Variants in DCLK1 observed in about 807,000 individuals in gnomAD.
The protein encoded by DCLK1 is doublecortin like kinase 1.
A neutral mutation model predicts 86.2 loss-of-function variants in DCLK1; 16 were observed. That is an observed-to-expected ratio of 0.19 (90% confidence interval 0.13 to 0.28). The LOEUF (loss-of-function observed/expected upper bound fraction) is 0.28. Among genes scored for constraint, DCLK1 ranks in the 10% least tolerant of loss-of-function variants. The pLI is 1.00. For missense variants in DCLK1, 590 were observed against 940.2 expected (o/e 0.63, Z 4.87); for synonymous variants, 369 against 370.5 (o/e 1.00, Z 0.05).
rs1379848674 is a variant in DCLK1 at position 35,774,576 on chromosome 13, T to C, written c.2182A>G (p.Ser728Gly). Residue 728 changes from serine (S) to glycine (G), a missense_variant, in exon 17 of 17, where the codon AGC (serine) becomes GGC (glycine). Around this residue, in one of 6 missense-constraint regions of DCLK1, gnomAD observed 146 missense variants for 190.2 expected, o/e 0.77. Transcript: ENST00000360631. ...LNSESEDYSP[S>G]SSETVRSPNS... is the part of the protein sequence containing the mutation. ...GGGGAGCGAACAGTCTCGGAGGAGC[T>C]TGGGGAGTAGTCTTCCGATTCCGAG... The C allele has an allele frequency of 1.3e-6, 2 of 1,568,100 alleles. No homozygotes were observed. Among genetic ancestry groups the C allele is most frequent in the Non-Finnish European group, 1.7e-6 (2 of 1,154,830 alleles).
chr13:35,827,866 T>A, intron 9 of DCLK1, 112 bp from the exon 10 acceptor site: 9 of 1,331,454 alleles, frequency 6.8e-6, no homozygotes, highest in Non-Finnish European at 9.3e-6. Context: ...TTTGGTAAAA[T>A]GTAATAAGCC....
chr13:35,972,427 ACAGAGAAGCTCACTACCT>A (rs1308266213), intron 3 of DCLK1, among the ~76,000 whole-genome samples: 1 of 152,070 alleles, frequency 6.6e-6, no homozygotes, highest in Non-Finnish European at 1.5e-5. Flanking sequence ...AGACATACAA[ACAGAGAAGCTCACTACCT>A]CAGAGCTACA....
At chr13:36,105,749 G>A (rs1299444646) in intron 3 of DCLK1, among the ~76,000 whole-genome samples, 1 of 152,156 alleles carries the variant, frequency 6.6e-6, no homozygotes, top group Admixed American at 6.5e-5. Flanking sequence ...AGGCTTGGAT[G>A]AAAAACCACA....
chr13:36,128,553 G>C (rs899797421), intron 1 of DCLK1, among the ~76,000 whole-genome samples: 3 of 152,146 alleles, frequency 2.0e-5, no homozygotes, highest in Non-Finnish European at 2.9e-5. Context: ...TGGTCAGCAG[G>C]CCTCTGATGT....
chr13:35,817,374 A>T (rs991338226), intron 11 of DCLK1, among the ~76,000 whole-genome samples: 1 of 151,854 alleles, frequency 6.6e-6, no homozygotes, highest in Non-Finnish European at 1.5e-5. Context: ...AGAGAGTAGA[A>T]TTTTTTTTCT....
intron 5 of DCLK1, among the ~76,000 whole-genome samples, chr13:35,857,588 C>T (rs1871137727): frequency 6.6e-6 from 1 of 152,240 alleles, no homozygotes; most frequent in East Asian, 1.9e-4. Flanking sequence ...TGACTCTCTG[C>T]CGCATCTCCT....
chr13:35,805,530 C>T (rs1212198845), intron 15 of DCLK1, 169 bp downstream of exon 15: 5 of 591,768 alleles, frequency 8.4e-6, no homozygotes, highest in Non-Finnish European at 1.4e-5. Context: ...AACTCCTGAG[C>T]TCAGGCAATC....
chr13:36,062,658 A>G (rs1883594134), intron 3 of DCLK1, among the ~76,000 whole-genome samples: 1 of 152,218 alleles, frequency 6.6e-6, no homozygotes, highest in Non-Finnish European at 1.5e-5. Flanking sequence ...ATATCCAAAT[A>G]ATCGCTATGA....
chr13:35,855,843 C>T, intron 5 of DCLK1: 2 of 1,185,564 alleles, frequency 1.7e-6, no homozygotes, highest in Non-Finnish European at 2.1e-6. Context: ...CAGTACTTTG[C>T]ACTGAATCAT....
At chr13:35,830,479 C>T (rs749070187) in intron 8 of DCLK1, among the ~76,000 whole-genome samples, 63 of 152,126 alleles carry the variant, frequency 4.1e-4, no homozygotes, top group Non-Finnish European at 7.1e-4. Flanking sequence ...CCTATAAGAC[C>T]ACAGGGTCCC....
intron 4 of DCLK1, among the ~76,000 whole-genome samples, chr13:35,893,370 A>C (rs1348975504): frequency 6.6e-6 from 1 of 152,230 alleles, no homozygotes; most frequent in Non-Finnish European, 1.5e-5. Flanking sequence ...TTCTATCCTT[A>C]AAGAACAAAG....
At chr13:35,990,852 A>G (rs562284071) in intron 3 of DCLK1, among the ~76,000 whole-genome samples, 14 of 152,270 alleles carry the variant, frequency 9.2e-5, no homozygotes, top group Non-Finnish European at 1.8e-4. Flanking sequence ...TTTGAATCTG[A>G]TAAATTCTCT....
intron 4 of DCLK1, among the ~76,000 whole-genome samples, chr13:35,904,221 CT>C (rs1268373940): frequency 6.6e-6 from 1 of 151,990 alleles, no homozygotes; most frequent in Non-Finnish European, 1.5e-5. Context: ...AATAGAAAAA[CT>C]TTTTTGTTTT....
intron 5 of DCLK1, among the ~76,000 whole-genome samples, chr13:35,868,459 A>C (rs1389643797): frequency 6.6e-6 from 1 of 152,234 alleles, no homozygotes; most frequent in African/African-American, 2.4e-5. Flanking sequence ...TATTAGATGC[A>C]TCTGCCCCAC....
intron 8 of DCLK1, among the ~76,000 whole-genome samples, chr13:35,832,461 T>C (rs1033408471): frequency 1.3e-5 from 2 of 152,136 alleles, no homozygotes; most frequent in Admixed American, 1.3e-4. Flanking sequence ...ATAGCATTCA[T>C]TGAATTTCAT....
In DCLK1 at chr13:36,127,905, A is replaced by G. The variant is rs530476525; in HGVS notation, c.-19-1749T>C. 9.2e-5 allele frequency among the ~76,000 whole-genome samples: 14 copies of G among 152,336 alleles called. No individual in the cohort carries two copies. In the South Asian group the frequency reaches 2.9e-3, roughly 32 times the overall value. Reference sequence around the variant, plus strand: ...GAAAGTGGAAAGACCAAAGCATTCAAAGGAAAGACACTTTAATGACAAAAT... The same window carrying G: ...GAAAGTGGAAAGACCAAAGCATTCAGAGGAAAGACACTTTAATGACAAAAT... On this transcript the variant is annotated intron_variant, in intron 1 of 16. Transcript: ENST00000360631.
intron 4 of DCLK1, among the ~76,000 whole-genome samples, chr13:35,931,992 A>C (rs1235121514): frequency 3.3e-5 from 5 of 152,180 alleles, no homozygotes; most frequent in Admixed American, 1.3e-4. Context: ...GGTTAATTTT[A>C]TGTGTCAAAT....
At chr13:36,004,067 A>G (rs1356734959) in intron 3 of DCLK1, among the ~76,000 whole-genome samples, 3 of 152,246 alleles carry the variant, frequency 2.0e-5, no homozygotes, top group Non-Finnish European at 4.4e-5. Context: ...AAAGTCATGG[A>G]ATTGATAACA....
Position 36,065,619 on chromosome 13 carries a change from T to C in DCLK1, c.723+46250A>G, listed in dbSNP as rs1164253553. On this transcript the variant is annotated intron_variant, in intron 3 of 16. Coordinates refer to ENST00000360631, the MANE Select transcript of DCLK1 (RefSeq NM_001330071.2). ...TTAAACCCTCTTATCTCTAGAACTA[T>C]AGGAATTGAACCTAACCCTGAGAAT... Among the ~76,000 whole-genome samples the C allele has an allele frequency of 5.9e-5, 9 of 152,256 alleles. No homozygotes were observed. The South Asian group carries it at 8.3e-4, about 14-fold the overall frequency.
Sources: gnomAD v4.1 joint callset for allele counts (sites outside exome capture counted in the v4.1 genomes callset) on GRCh38, gnomAD v4.1.1 for gene constraint, gnomAD v4.1.1 regional missense constraint, MANE v1.5 for transcripts, NCBI Gene and HGNC (gene_info 2026-07-23, HGNC 2026-07-21) for gene names.